The following RIMS2 variants were observed in gnomAD, a reference collection of about 807,000 sequenced individuals.
RIMS2 encodes the protein regulating synaptic membrane exocytosis 2.
A neutral mutation model predicts 174.4 loss-of-function variants in RIMS2; 59 were observed. The observed-to-expected ratio is 0.34, with a 90% confidence interval of 0.27 to 0.42. RIMS2 has a LOEUF of 0.42. RIMS2 is among the 10% of genes least tolerant of loss of function. The pLI is 1.00. For missense variants in RIMS2, 1,620 were observed against 1,666.3 expected (o/e 0.97, Z 0.48); for synonymous variants, 606 against 572.5 (o/e 1.06, Z -0.84).
At chr8:103,694,170 A>C (rs1042087084) in intron 1 of RIMS2, among the ~76,000 whole-genome samples, 3 of 152,152 alleles carry the variant, frequency 2.0e-5, no homozygotes, top group African/African-American at 7.2e-5. Context: ...AGGGACCAGC[A>C]TGGCATTGGG....
intron 1 of RIMS2, among the ~76,000 whole-genome samples, chr8:103,619,286 G>T (rs1032473521): frequency 6.6e-6 from 1 of 151,884 alleles, no homozygotes; most frequent in Non-Finnish European, 1.5e-5. Flanking sequence ...AAACAAAGTT[G>T]TATTTTTTAA....
intron 17 of RIMS2, among the ~76,000 whole-genome samples, chr8:104,009,670 C>T (rs2095695473): frequency 6.6e-6 from 1 of 152,112 alleles, no homozygotes. Context: ...TGAGACCATA[C>T]TTGTTCTTCA....
intron 1 of RIMS2, among the ~76,000 whole-genome samples, chr8:103,675,619 G>A (rs1212341708): frequency 6.6e-6 from 1 of 152,192 alleles, no homozygotes; most frequent in Non-Finnish European, 1.5e-5. Context: ...CTTGAAACAT[G>A]TAACAGAGAT....
At chr8:104,156,131 G>C (rs976811630) in intron 19 of RIMS2, among the ~76,000 whole-genome samples, 4 of 152,118 alleles carry the variant, frequency 2.6e-5, no homozygotes, top group African/African-American at 9.7e-5. Context: ...TACAAACCCT[G>C]AAAACTTAAT....
At chr8:103,621,734 T>A (rs1274894955) in intron 1 of RIMS2, among the ~76,000 whole-genome samples, 1 of 152,220 alleles carries the variant, frequency 6.6e-6, no homozygotes, top group African/African-American at 2.4e-5. Context: ...GACCCACAAT[T>A]TTTGAACAAT....
intron 19 of RIMS2, among the ~76,000 whole-genome samples, chr8:104,107,489 G>A (rs1377947273): frequency 2.0e-5 from 3 of 151,926 alleles, no homozygotes; most frequent in African/African-American, 7.3e-5. Context: ...ATACATAGTA[G>A]GGACTCAATA....
intron 3 of RIMS2, among the ~76,000 whole-genome samples, chr8:103,882,677 G>A (rs564812825): frequency 5.2e-4 from 79 of 151,612 alleles, no homozygotes; most frequent in African/African-American, 1.9e-3. Flanking sequence ...AGAACAATGT[G>A]ATTGCTGGAT....
intron 19 of RIMS2, among the ~76,000 whole-genome samples, chr8:104,042,917 G>A (rs1185866124): frequency 6.6e-6 from 1 of 151,304 alleles, no homozygotes; most frequent in Admixed American, 6.6e-5. Context: ...TCAAAATTTG[G>A]GGATCACCAG....
chr8:104,230,636 A>C (rs2099222037), intron 19 of RIMS2, among the ~76,000 whole-genome samples: 1 of 152,160 alleles, frequency 6.6e-6, no homozygotes, highest in Non-Finnish European at 1.5e-5. Flanking sequence ...ACAAAGTGAG[A>C]CTCTGTCTCA....
At position 103,763,448 on chromosome 8, in the gene RIMS2, A is replaced by AG. The variant is rs201173608; in HGVS notation, c.388-2779_388-2778insG. Among the ~76,000 whole-genome samples the AG allele has an allele frequency of 8.7e-3, 1,326 of 151,778 alleles. 17 individuals carry two copies. The highest frequency in any genetic ancestry group is 0.029 in the East Asian group (152 of 5,164). Reference sequence around the variant, plus strand: ...AAGACCCTGTTTCAAGGAAAAAAAAAAAGAAGAAGGAAGAAAGGAAGGGAG... The same window carrying AG: ...AAGACCCTGTTTCAAGGAAAAAAAAAGAAGAAGAAGGAAGAAAGGAAGGGAG... On this transcript the variant is annotated intron_variant, in intron 2 of 23. Transcript: ENST00000504942.
At chr8:103,954,303 T>C (rs1475948536) in intron 14 of RIMS2, among the ~76,000 whole-genome samples, 1 of 152,198 alleles carries the variant, frequency 6.6e-6, no homozygotes, top group Non-Finnish European at 1.5e-5. Flanking sequence ...ATATACATTC[T>C]TCTCAGCACC....
At chr8:103,920,827 A>T in intron 9 of RIMS2, 1 of 223,552 alleles carries the variant, frequency 4.5e-6, no homozygotes, top group South Asian at 4.0e-5. Context: ...GTCTCTACTA[A>T]AAAAAAAAAA....
intron 19 of RIMS2, among the ~76,000 whole-genome samples, chr8:104,209,068 C>A (rs2099093789): frequency 6.6e-6 from 1 of 152,140 alleles, no homozygotes; most frequent in African/African-American, 2.4e-5. Flanking sequence ...TGAGGATAAT[C>A]AGGATTACTG....
chr8:104,006,341 G>A (rs537610989), intron 17 of RIMS2, among the ~76,000 whole-genome samples: 4 of 151,820 alleles, frequency 2.6e-5, no homozygotes, highest in Admixed American at 6.6e-5. Flanking sequence ...CCTTGAGGTC[G>A]GGAGTTTGAG....
At chr8:103,518,244 A>G (rs1829969890) in intron 1 of RIMS2, among the ~76,000 whole-genome samples, 1 of 152,024 alleles carries the variant, frequency 6.6e-6, no homozygotes, top group African/African-American at 2.4e-5. Flanking sequence ...GAATGACTGT[A>G]TAAATAATTT....
chr8:104,074,431 T>C (rs2154562072), intron 19 of RIMS2, among the ~76,000 whole-genome samples: 1 of 152,320 alleles, frequency 6.6e-6, no homozygotes, highest in East Asian at 1.9e-4. Flanking sequence ...CAATAAATAA[T>C]GCAGCTAATA....
At chr8:103,759,204 G>T (rs187829648) in intron 2 of RIMS2, among the ~76,000 whole-genome samples, 1 of 152,020 alleles carries the variant, frequency 6.6e-6, no homozygotes, top group Non-Finnish European at 1.5e-5. Flanking sequence ...ATCACCCTTC[G>T]GGATGCCCTA....
chr8:103,713,632 T>G (rs1450297040), intron 2 of RIMS2, among the ~76,000 whole-genome samples: 1 of 152,214 alleles, frequency 6.6e-6, no homozygotes, highest in African/African-American at 2.4e-5. Flanking sequence ...AGGCCAATCT[T>G]CTAATTGGTC....
intron 1 of RIMS2, among the ~76,000 whole-genome samples, chr8:103,552,997 G>A (rs1253868984): frequency 2.6e-5 from 4 of 152,178 alleles, no homozygotes; most frequent in Admixed American, 2.6e-4. Flanking sequence ...CACTGTTGGT[G>A]GGACTGTAAA....
Sources: allele counts gnomAD v4.1 joint callset (sites outside exome capture counted in the v4.1 genomes callset), GRCh38; gene constraint gnomAD v4.1.1; transcripts MANE v1.5; gene names NCBI Gene and HGNC (gene_info 2026-07-23, HGNC 2026-07-21).